Variants in CSNK1G2 observed in about 807,000 individuals in gnomAD.
CSNK1G2 encodes the protein casein kinase I isoform gamma-2.
In CSNK1G2, 11 loss-of-function variants were observed where a neutral mutation model predicts 48.0. That is an observed-to-expected ratio of 0.23 (90% CI 0.14 to 0.38). CSNK1G2 has a LOEUF of 0.38. Among genes scored for constraint, CSNK1G2 ranks in the 10% least tolerant of loss-of-function variants. CSNK1G2 has a pLI of 1.00. For synonymous variants in CSNK1G2, 337 were observed against 254.1 expected (o/e 1.33, Z -3.10); for missense variants, 446 against 595.5 (o/e 0.75, Z 2.61).
intron 1 of CSNK1G2, among the ~76,000 whole-genome samples, chr19:1,950,398 C>G (rs995338882): frequency 1.4e-5 from 2 of 147,092 alleles, no homozygotes; most frequent in Admixed American, 1.4e-4. Context: ...CTCGGCCTCC[C>G]AAAGTGCTGG....
In CSNK1G2 at chr19:1,980,254, G is replaced by A. The variant is rs777386499; in HGVS notation, c.*51G>A. On this transcript the variant is annotated 3_prime_UTR_variant, in exon 12 of 12. Transcript: ENST00000255641. ...TCTTCTCCGTGCAGCCCCTTGGGGC[G>A]CGACCTTGTGCGAGGCCCTCGGGGC... is the stretch of plus-strand genomic sequence containing the variant. The A allele has an allele frequency of 3.7e-6, 6 of 1,602,874 alleles. No individual in the cohort carries two copies. The highest frequency in any genetic ancestry group is 2.2e-5 in the East Asian group (1 of 44,798).
intron 1 of CSNK1G2, among the ~76,000 whole-genome samples, chr19:1,944,076 G>A (rs770363940): frequency 2.0e-5 from 3 of 152,184 alleles, no homozygotes; most frequent in Non-Finnish European, 4.4e-5. Context: ...TTAGGGTTGC[G>A]GTGGTGGCGG....
At chr19:1,942,904 T>G (rs1285783524) in intron 1 of CSNK1G2, among the ~76,000 whole-genome samples, 2 of 152,230 alleles carry the variant, frequency 1.3e-5, no homozygotes, top group Middle Eastern at 3.4e-3. Flanking sequence ...CTGATGAGTT[T>G]CCCAGGCAGG....
At chr19:1,958,199 C>T (rs1460160210) in intron 1 of CSNK1G2, among the ~76,000 whole-genome samples, 2 of 151,796 alleles carry the variant, frequency 1.3e-5, no homozygotes, top group Non-Finnish European at 2.9e-5. Context: ...CCACTGCCCC[C>T]ACCAAAGCCT....
At chr19:1,973,436 C>T (rs1456858656) in intron 2 of CSNK1G2, among the ~76,000 whole-genome samples, 1 of 151,982 alleles carries the variant, frequency 6.6e-6, no homozygotes, top group African/African-American at 2.4e-5. Context: ...TGGCAAACTC[C>T]TGACCTCAGG....
intron 1 of CSNK1G2, among the ~76,000 whole-genome samples, chr19:1,969,210 A>G (rs1312925727): frequency 1.3e-5 from 2 of 149,908 alleles, no homozygotes; most frequent in African/African-American, 4.9e-5. Flanking sequence ...CTGGCAGTAC[A>G]CTCTCCCACC....
At position 1,979,108 on chromosome 19, in the gene CSNK1G2, C is replaced by T. The variant is rs768784883; in HGVS notation, c.682+15C>T. ...CCTGGGCAAGGGTGAGCTGCGCGCG[C>T]GCGGCGGGGGGCGGGCGCCCGGACC... On this transcript the variant is annotated intron_variant, in intron 6 of 11. Transcript: ENST00000255641. 111 of 1,587,374 alleles carry T rather than the reference C, an allele frequency of 7.0e-5. No homozygotes were observed. The highest frequency in any genetic ancestry group is 9.0e-5 in the Non-Finnish European group (106 of 1,171,466).
At chr19:1,945,183 C>T (rs966919673) in intron 1 of CSNK1G2, among the ~76,000 whole-genome samples, 3 of 152,224 alleles carry the variant, frequency 2.0e-5, no homozygotes, top group Non-Finnish European at 2.9e-5. Context: ...CCTGTGCGCC[C>T]GCAAGGTTGC....
intron 1 of CSNK1G2, among the ~76,000 whole-genome samples, chr19:1,941,788 C>A (rs1001299498): frequency 6.7e-6 from 1 of 149,692 alleles, no homozygotes; most frequent in Non-Finnish European, 1.5e-5. Context: ...GTGACCCCCC[C>A]ACTCTGCACC....
In CSNK1G2 at chr19:1,980,533, G is replaced by A. The variant is rs892692933; in HGVS notation, c.*330G>A. On this transcript the variant is annotated 3_prime_UTR_variant, in exon 12 of 12. Coordinates refer to ENST00000255641, the MANE Select transcript of CSNK1G2 (RefSeq NM_001319.7). ...TGCCCCTCCGTTTCTTTGCTGAAGT[G>A]AGTAGTGTGATCCTGGAGGCCCCCC... The A allele has an allele frequency of 8.1e-5, 31 of 380,726 alleles. No individual in the cohort carries two copies. In the East Asian group the frequency reaches 1.6e-3, roughly 20 times the overall value. 23.6% of individuals were successfully genotyped at this position (380,726 alleles called of 1,614,324 possible). A position where few individuals can be genotyped will look rare whatever the true frequency, so the allele number is the denominator to read the frequency against.
intron 1 of CSNK1G2, chr19:1,954,024 G>A (rs375726733): frequency 7.3e-5 from 39 of 530,792 alleles, no homozygotes; most frequent in Non-Finnish European, 9.7e-5. Flanking sequence ...TCCGAGGACC[G>A]GCCCTGCCCA....
intron 1 of CSNK1G2, among the ~76,000 whole-genome samples, chr19:1,955,582 AG>A (rs975289241): frequency 6.2e-5 from 9 of 145,640 alleles, no homozygotes; most frequent in African/African-American, 1.7e-4. Context: ...CGCCCAGGTC[AG>A]GGGCTTCTCC....
chr19:1,955,295 C>T (rs1420095020), intron 1 of CSNK1G2, among the ~76,000 whole-genome samples: 1 of 135,630 alleles, frequency 7.4e-6, no homozygotes, highest in Non-Finnish European at 1.5e-5. Flanking sequence ...CTCTGACTGC[C>T]CTCCTGCTGC....
intron 1 of CSNK1G2, among the ~76,000 whole-genome samples, chr19:1,966,698 G>A (rs1476567870): frequency 3.3e-5 from 5 of 151,990 alleles, no homozygotes; most frequent in Non-Finnish European, 5.9e-5. Context: ...AGAGTCCATC[G>A]CTGTGGCCAA....
chr19:1,953,620 T>C (rs970954405), intron 1 of CSNK1G2: 1 of 424,650 alleles, frequency 2.4e-6, no homozygotes, highest in African/African-American at 2.0e-5. Flanking sequence ...TGCCAGCTTT[T>C]CCCTGGTCAG....
rs768256425 is a variant in CSNK1G2 at position 1,980,121 on chromosome 19, C to T, written c.1194-28C>T. The T allele has an allele frequency of 1.1e-5, 17 of 1,612,492 alleles. No homozygotes were observed. The African/African-American group carries it at 1.6e-4, about 15-fold the overall frequency. The stretch of plus-strand genomic sequence containing the variant: ...GCTGCCCCCGCCCTGCACCCCGGTC[C>T]TCCTACCTGAGCCACTGCCCTCCTC... On this transcript the variant is annotated intron_variant, in intron 11 of 11. Coordinates refer to ENST00000255641, the MANE Select transcript of CSNK1G2 (RefSeq NM_001319.7).
intron 1 of CSNK1G2, among the ~76,000 whole-genome samples, chr19:1,962,702 G>A (rs1307340687): frequency 6.6e-6 from 1 of 152,114 alleles, no homozygotes; most frequent in Non-Finnish European, 1.5e-5. Flanking sequence ...TGGGGTGGGT[G>A]TGTAGAAGTC....
chr19:1,970,751 G>A (rs2015540005), intron 2 of CSNK1G2, among the ~76,000 whole-genome samples: 1 of 152,220 alleles, frequency 6.6e-6, no homozygotes, highest in African/African-American at 2.4e-5. Flanking sequence ...TGTTGCTGGG[G>A]TTGTCCGGGG....
chr19:1,975,121 G>C lies in CSNK1G2; in HGVS notation c.188-3184G>C, dbSNP rs182377782. 152 of 985,476 alleles carry C rather than the reference G, an allele frequency of 1.5e-4. No homozygotes were observed. In the African/African-American group the frequency reaches 2.5e-3, roughly 16 times the overall value. The allele number at this position is 985,476 out of a possible 1,614,324, so 61.0% of individuals were successfully genotyped here. ...GTTTCTTCCACAGTGCAGAGTAGAAGAGCCGGGAAGGACCCCATCACCATC... is the reference window on the plus strand; with the variant it reads ...GTTTCTTCCACAGTGCAGAGTAGAACAGCCGGGAAGGACCCCATCACCATC... On this transcript the variant is annotated intron_variant, in intron 2 of 11. Coordinates refer to ENST00000255641, the MANE Select transcript of CSNK1G2 (RefSeq NM_001319.7).
Sources: gnomAD v4.1 joint callset for allele counts (sites outside exome capture counted in the v4.1 genomes callset) on GRCh38, gnomAD v4.1.1 for gene constraint, MANE v1.5 for transcripts, NCBI Gene and HGNC (gene_info 2026-07-23, HGNC 2026-07-21) for gene names.